The following DIP2C variants were observed in gnomAD, a reference collection of about 807,000 sequenced individuals.
DIP2C encodes disco-interacting protein 2 homolog C.
In DIP2C, 33 loss-of-function variants were observed where a neutral mutation model predicts 192.4. That is an observed-to-expected ratio of 0.17 (90% CI 0.13 to 0.23). The LOEUF (loss-of-function observed/expected upper bound fraction) is 0.23. Among genes scored for constraint, DIP2C ranks in the 10% least tolerant of loss-of-function variants. DIP2C has a pLI of 1.00. For synonymous variants in DIP2C, 979 were observed against 864.1 expected (o/e 1.13, Z -2.33); for missense variants, 1,537 against 2,110.1 (o/e 0.73, Z 5.32).
rs1855899823 is a variant in DIP2C, at chr10:651,461, A to G, written c.85+38033T>C. 1.5e-6 allele frequency: 1 copy of G among 658,622 alleles called. No individual in the cohort carries two copies. Among genetic ancestry groups the G allele is most frequent in the Admixed American group, 2.1e-5 (1 of 47,548 alleles). 40.8% of individuals were successfully genotyped at this position (658,622 alleles called of 1,614,324 possible). A position where few individuals can be genotyped will look rare whatever the true frequency, so the allele number is the denominator to read the frequency against. ...GTTAAGTAAAAATAGCAGAAGACTT[A>G]GTAGAATGTATGAGTAACAATTACA... On this transcript the variant is annotated intron_variant, in intron 1 of 36. Transcript: ENST00000280886. This position sits in a 1 kb window ranked among gnomAD's most constrained non-coding sequence, Gnocchi z 4.1.
At chr10:331,314 T>C (rs1011802631) in intron 29 of DIP2C, among the ~76,000 whole-genome samples, 2 of 152,146 alleles carry the variant, frequency 1.3e-5, no homozygotes, top group Non-Finnish European at 2.9e-5. Flanking sequence ...ACGGGACCCT[T>C]AGTATGAAAA....
chr10:495,104 C>G (rs1040665960), intron 1 of DIP2C, among the ~76,000 whole-genome samples: 3 of 152,148 alleles, frequency 2.0e-5, no homozygotes, highest in African/African-American at 7.2e-5. Flanking sequence ...AGATATTACG[C>G]TAAGTGAAAT....
chr10:358,598 G>A (rs572087351), intron 22 of DIP2C, among the ~76,000 whole-genome samples: 1 of 31,660 alleles, frequency 3.2e-5, no homozygotes, highest in South Asian at 2.4e-3. Flanking sequence ...GGGAAGAAGG[G>A]GGGGTGGGAG....
chr10:634,523 T>C (rs1444930503), intron 1 of DIP2C, among the ~76,000 whole-genome samples: 1 of 152,182 alleles, frequency 6.6e-6, no homozygotes, highest in Non-Finnish European at 1.5e-5. Context: ...TGAAATTAGT[T>C]CAACGGCAGG....
chr10:340,941 T>C (rs772547485), intron 29 of DIP2C: 1 of 570,384 alleles, frequency 1.8e-6, no homozygotes, highest in South Asian at 1.5e-5. Context: ...GTCTTCTGAT[T>C]GTCAGAAATA....
intron 3 of DIP2C, among the ~76,000 whole-genome samples, chr10:468,657 G>A (rs1970405367): frequency 6.6e-6 from 1 of 152,152 alleles, no homozygotes; most frequent in Non-Finnish European, 1.5e-5. Flanking sequence ...CTACTTGAGA[G>A]GCCGAGGCAG....
intron 10 of DIP2C, among the ~76,000 whole-genome samples, chr10:391,763 TG>T: frequency 6.6e-6 from 1 of 152,330 alleles, no homozygotes; most frequent in Middle Eastern, 3.4e-3. Flanking sequence ...CCCTCAATTA[TG>T]GACCCTACAA....
intron 5 of DIP2C, among the ~76,000 whole-genome samples, chr10:420,695 C>T (rs556667374): frequency 6.6e-6 from 1 of 152,200 alleles, no homozygotes; most frequent in African/African-American, 2.4e-5. Context: ...TGAGATGTCC[C>T]TACTTAATTG....
chr10:529,162 A>AT (rs1847234025), intron 1 of DIP2C, among the ~76,000 whole-genome samples: 1 of 152,140 alleles, frequency 6.6e-6, no homozygotes, highest in African/African-American at 2.4e-5. Flanking sequence ...CATGGCCCCC[A>AT]TCTCATAGAT....
At chr10:553,845 A>C (rs1848706074) in intron 1 of DIP2C, among the ~76,000 whole-genome samples, 1 of 152,196 alleles carries the variant, frequency 6.6e-6, no homozygotes, top group African/African-American at 2.4e-5. Context: ...CATAGGAAAA[A>C]ACGTATACGC....
chr10:318,790 C>T (rs574093877), intron 31 of DIP2C, among the ~76,000 whole-genome samples: 2 of 152,270 alleles, frequency 1.3e-5, no homozygotes, highest in South Asian at 4.1e-4. Context: ...ATTTCCTTCA[C>T]CTAAAAGCAG....
chr10:583,740 G>A (rs1014349058), intron 1 of DIP2C, among the ~76,000 whole-genome samples: 3 of 152,192 alleles, frequency 2.0e-5, no homozygotes, highest in African/African-American at 4.8e-5. Context: ...AACACCCGAT[G>A]CAGAAACAGG....
intron 1 of DIP2C, among the ~76,000 whole-genome samples, chr10:604,676 CTAATT>C (rs752292068): frequency 8.5e-5 from 13 of 152,344 alleles, no homozygotes; most frequent in East Asian, 1.9e-4. Context: ...AAAAAGTTCT[CTAATT>C]AAATTAATTT....
At chr10:496,820 C>G (rs1844870915) in intron 1 of DIP2C, among the ~76,000 whole-genome samples, 2 of 152,182 alleles carry the variant, frequency 1.3e-5, no homozygotes, top group Admixed American at 6.5e-5. Flanking sequence ...ACGGTGCCCT[C>G]TGCTGTACTT....
chr10:587,495 C>T (rs1037530927), intron 1 of DIP2C, among the ~76,000 whole-genome samples: 2 of 152,194 alleles, frequency 1.3e-5, no homozygotes, highest in Admixed American at 1.3e-4. Context: ...AATAAAAATA[C>T]CCCAAACCTA....
At chr10:391,006 G>A in intron 10 of DIP2C, 143 bp from the exon 11 acceptor site, 1 of 1,254,282 alleles carries the variant, frequency 8.0e-7, no homozygotes, top group Non-Finnish European at 1.1e-6. Flanking sequence ...GGTATCTGTG[G>A]GACCCTGAAC....
intron 3 of DIP2C, among the ~76,000 whole-genome samples, chr10:467,160 T>A (rs1366881811): frequency 6.6e-6 from 1 of 152,032 alleles, no homozygotes; most frequent in Non-Finnish European, 1.5e-5. Context: ...TAGACTGGAT[T>A]AAGAAAATGT....
At chr10:344,658 G>A (rs1010986964) in intron 28 of DIP2C, 151 bp downstream of exon 28, 28 of 664,346 alleles carry the variant, frequency 4.2e-5, no homozygotes, top group Non-Finnish European at 5.5e-5. Context: ...ATGGTCATAC[G>A]TGTCATACCG....
chr10:651,265 C>T lies in DIP2C; in HGVS notation c.85+38229G>A, dbSNP rs1481514283. 4 of 714,266 alleles carry T rather than the reference C, an allele frequency of 5.6e-6. No homozygotes were observed. Among genetic ancestry groups the T allele is most frequent in the South Asian group, 1.5e-5 (1 of 67,490 alleles). The allele number at this position is 714,266 out of a possible 1,614,324, so 44.2% of individuals were successfully genotyped here. ...CACAGCGTGGGTTCCGGTCACCAGTCGGCCTCCCCCACCAACGTGGACTCC... is the reference window on the plus strand; with the variant it reads ...CACAGCGTGGGTTCCGGTCACCAGTTGGCCTCCCCCACCAACGTGGACTCC... On this transcript the variant is annotated intron_variant, in intron 1 of 36. Coordinates refer to ENST00000280886, the MANE Select transcript of DIP2C (RefSeq NM_014974.3). The surrounding 1 kb of genome is among the most constrained non-coding windows in gnomAD (Gnocchi z 4.1).
Sources: gnomAD v4.1 joint callset for allele counts (sites outside exome capture counted in the v4.1 genomes callset) on GRCh38, gnomAD v4.1.1 for gene constraint, Gnocchi (gnomAD v3.1) non-coding constraint, MANE v1.5 for transcripts, NCBI Gene and HGNC (gene_info 2026-07-23, HGNC 2026-07-21) for gene names.